MZT2B: variants seen among roughly 807,000 people sequenced by gnomAD.
MZT2B encodes the protein mitotic-spindle organizing protein 2B.
Under a neutral mutation model 12.1 loss-of-function variants are expected in MZT2B, and 11 were observed. That is an observed-to-expected ratio of 0.91 (90% CI 0.57 to 1.50). MZT2B has a LOEUF of 1.50. Among genes scored for constraint, MZT2B ranks in the 40% most tolerant of loss-of-function variants. The pLI, the probability that MZT2B is intolerant of heterozygous loss-of-function variation, is 0.00. For synonymous variants in MZT2B, 85 were observed against 109.5 expected, an observed-to-expected ratio of 0.78 and a Z score of 1.40; for missense variants, 209 against 227.7, an observed-to-expected ratio of 0.92 and a Z score of 0.53.
At chr2:130,183,901 C>T (rs1383255091) in intron 2 of MZT2B, 9 of 1,550,458 alleles carry the variant, frequency 5.8e-6, no homozygotes, top group Middle Eastern at 1.7e-4. Context: ...GCCACACACT[C>T]GCCTCTCTCT....
chr2:130,200,442 G>T, the MZT2B span, among the ~76,000 whole-genome samples: 1 of 151,546 alleles, frequency 6.6e-6, no homozygotes. Flanking sequence ...CATTGTCTTT[G>T]GTATCACAAA....
the MZT2B span, chr2:130,196,152 C>T: frequency 6.2e-7 from 1 of 1,612,652 alleles, no homozygotes; most frequent in Non-Finnish European, 8.5e-7. Flanking sequence ...CACCTACCGA[C>T]CACAGTGGGC....
In MZT2B at chr2:130,185,479, CAA is replaced by C. The variant is rs11316338; in HGVS notation, c.319+2719_319+2720del. ...TGGGCAACAGAGCAAGACCCTGTCT[CAA>C]AAAAAAAAAAAAAAGAAAAACCGCT... On this transcript the variant is annotated intron_variant, in intron 2 of 2. Coordinates refer to ENST00000281871, the MANE Select transcript of MZT2B (RefSeq NM_025029.5). Among the ~76,000 whole-genome samples the C allele has an allele frequency of 1.9e-3, 143 of 76,510 alleles. 3 individuals carry two copies. Among genetic ancestry groups the C allele is most frequent in the Non-Finnish European group, 2.7e-3 (94 of 34,688 alleles). The allele number at this position is 76,510 out of a possible 152,430, so 50.2% of individuals were successfully genotyped here.
At chr2:130,183,894 A>C (rs1339523771) in intron 2 of MZT2B, 2 of 1,550,260 alleles carry the variant, frequency 1.3e-6, no homozygotes, top group African/African-American at 1.4e-5. Context: ...CCCGGCTGCC[A>C]CACACTCGCC....
downstream of MZT2B, chr2:130,193,750 T>G: frequency 6.4e-7 from 1 of 1,571,170 alleles, no homozygotes. Flanking sequence ...GTGCATCTGC[T>G]GCTTGCTGAA....
chr2:130,198,458 G>A, the MZT2B span: 7,639 of 1,293,912 alleles, frequency 5.9e-3, 2,033 homozygotes, highest in African/African-American at 0.049. Context: ...CACGCGCGCC[G>A]CACAGGATTG....
chr2:130,184,734 C>G lies in MZT2B; in HGVS notation c.319+1959C>G, dbSNP rs1181693439. ...AGGAGGGAGAAACTGGGAACAGAGTCCTTGTCACTCCAGGGGATGTTGCTG... is the reference window on the plus strand; with the variant it reads ...AGGAGGGAGAAACTGGGAACAGAGTGCTTGTCACTCCAGGGGATGTTGCTG... On this transcript the variant is annotated intron_variant, in intron 2 of 2. Transcript: ENST00000281871. The G allele has an allele frequency of 5.1e-6, 5 of 985,314 alleles. No homozygotes were observed. The South Asian group carries it at 1.9e-4, about 37-fold the overall frequency. 61.0% of individuals were successfully genotyped at this position (985,314 alleles called of 1,614,324 possible). A position where few individuals can be genotyped will look rare whatever the true frequency, so the allele number is the denominator to read the frequency against.
the MZT2B span, among the ~76,000 whole-genome samples, chr2:130,199,798 C>T: frequency 8.5e-5 from 5 of 58,586 alleles, 2 homozygotes; most frequent in Non-Finnish European, 1.2e-4. Flanking sequence ...ATTAAAATAA[C>T]GTAAGCTATT....
downstream of MZT2B, chr2:130,195,145 G>A (rs3853852): frequency 0.39 from 599,673 of 1,528,264 alleles, 127,741 homozygotes; most frequent in Admixed American, 0.46. Context: ...GGCCCCTGGC[G>A]TAATTACTGG....
chr2:130,198,878 C>A, the MZT2B span, among the ~76,000 whole-genome samples: 3 of 123,778 alleles, frequency 2.4e-5, 1 homozygote, highest in Non-Finnish European at 5.3e-5. Flanking sequence ...CCACCCAGCA[C>A]CCGGGAAGTG....
At chr2:130,201,082 C>T in the MZT2B span, among the ~76,000 whole-genome samples, 2 of 152,234 alleles carry the variant, frequency 1.3e-5, no homozygotes, top group East Asian at 3.9e-4. Flanking sequence ...AGGGAGCTCC[C>T]CCAGTGGGAT....
At chr2:130,194,574 A>C (rs1169016728), downstream of MZT2B, 8 of 1,225,722 alleles carry the variant, frequency 6.5e-6, no homozygotes, top group African/African-American at 1.2e-4. Context: ...TATGGATTCA[A>C]ATCATCCATA....
chr2:130,185,888 A>G (rs1430320160), intron 2 of MZT2B, among the ~76,000 whole-genome samples: 1 of 152,130 alleles, frequency 6.6e-6, no homozygotes, highest in Non-Finnish European at 1.5e-5. Flanking sequence ...AGCATAGCCC[A>G]GGTCCTGTAG....
At chr2:130,191,692 G>A (rs796917946), downstream of MZT2B, 26 of 1,447,846 alleles carry the variant, frequency 1.8e-5, no homozygotes, top group Admixed American at 1.0e-4. Context: ...TGCAGGCTCT[G>A]GGGTCCCACC....
At chr2:130,188,066 CA>C (rs35336011) in intron 2 of MZT2B, 61,599 of 138,028 alleles carry the variant, frequency 0.45, 12,839 homozygotes, top group East Asian at 0.55. Context: ...CCCCACCACT[CA>C]AAAAAAAAAA....
chr2:130,203,992 G>A, the MZT2B span, among the ~76,000 whole-genome samples: 1 of 145,830 alleles, frequency 6.9e-6, no homozygotes, highest in East Asian at 2.0e-4. Flanking sequence ...TGAATGTTTG[G>A]CTGGGGTGAG....
At chr2:130,191,815 C>A (rs1573768702), downstream of MZT2B, 14 of 1,586,138 alleles carry the variant, frequency 8.8e-6, no homozygotes, top group African/African-American at 9.4e-5. Flanking sequence ...AGGGGAGAAC[C>A]CACCACACCC....
At chr2:130,195,505 C>T (rs886490418), downstream of MZT2B, among the ~76,000 whole-genome samples, 1 of 152,238 alleles carries the variant, frequency 6.6e-6, no homozygotes, top group South Asian at 2.1e-4. Flanking sequence ...CACTCCTACT[C>T]AGGTACATAA....
intron 2 of MZT2B, among the ~76,000 whole-genome samples, chr2:130,185,125 C>A (rs550667506): frequency 6.6e-6 from 1 of 151,980 alleles, no homozygotes; most frequent in African/African-American, 2.4e-5. Context: ...CCGGCTAACA[C>A]GGTGAAACCC....
Sources: allele counts gnomAD v4.1 joint callset (sites outside exome capture counted in the v4.1 genomes callset), GRCh38; gene constraint gnomAD v4.1.1; transcripts MANE v1.5; gene names NCBI Gene and HGNC (gene_info 2026-07-23, HGNC 2026-07-21).